NT5C3A: variants seen among roughly 807,000 people sequenced by gnomAD.
The protein encoded by NT5C3A is cytosolic 5'-nucleotidase 3A.
A neutral mutation model predicts 40.0 loss-of-function variants in NT5C3A; 23 were observed. That is an observed-to-expected ratio of 0.58 (90% CI 0.41 to 0.81). The LOEUF (loss-of-function observed/expected upper bound fraction) is 0.81, where lower values mean the gene tolerates loss of function less well. NT5C3A is among the 40% of genes least tolerant of loss of function. NT5C3A has a pLI of 0.00. For synonymous variants in NT5C3A, 130 were observed against 141.4 expected (o/e 0.92, Z 0.57); for missense variants, 328 against 403.0 (o/e 0.81, Z 1.59).
At chr7:33,036,085 T>C (rs1316831776) in intron 1 of NT5C3A, 2 of 912,070 alleles carry the variant, frequency 2.2e-6, no homozygotes, top group African/African-American at 1.7e-5. Flanking sequence ...CAATAATATA[T>C]TAAGGTGGAA....
chr7:33,030,890 G>A (rs2128001330), intron 1 of NT5C3A, among the ~76,000 whole-genome samples: 1 of 151,112 alleles, frequency 6.6e-6, no homozygotes, highest in African/African-American at 2.4e-5. Flanking sequence ...ACGAGGTCAG[G>A]AGATCGAGAC....
At chr7:33,044,544 A>G (rs1787067550) in intron 1 of NT5C3A, among the ~76,000 whole-genome samples, 1 of 152,066 alleles carries the variant, frequency 6.6e-6, no homozygotes, top group South Asian at 2.1e-4. Flanking sequence ...AACAGAAATC[A>G]CTCCTATCAC....
chr7:33,024,237 C>T, intron 2 of NT5C3A, 129 bp from the exon 3 acceptor site: 1 of 681,228 alleles, frequency 1.5e-6, no homozygotes, highest in Non-Finnish European at 2.7e-6. Flanking sequence ...CTGGTCCACA[C>T]TGTTAACTTA....
intron 1 of NT5C3A, among the ~76,000 whole-genome samples, chr7:33,035,198 T>TG (rs1786524091): frequency 6.8e-6 from 1 of 146,790 alleles, no homozygotes; most frequent in South Asian, 2.2e-4. Context: ...AGTTTTTTTT[T>TG]TTTTTTTTTT....
intron 1 of NT5C3A, chr7:33,041,154 C>G (rs1211171643): frequency 1.0e-6 from 1 of 984,820 alleles, no homozygotes; most frequent in Non-Finnish European, 1.2e-6. Context: ...GCAACTGGCT[C>G]TGGAAAGAAA....
At chr7:33,046,969 T>C (rs1787182614) in intron 1 of NT5C3A, among the ~76,000 whole-genome samples, 2 of 74,236 alleles carry the variant, frequency 2.7e-5, no homozygotes, top group South Asian at 7.2e-4. Flanking sequence ...ACACCTGGCT[T>C]CTTTTTTTTT....
chr7:33,023,303 G>C (rs985047209), intron 3 of NT5C3A, among the ~76,000 whole-genome samples: 2 of 151,868 alleles, frequency 1.3e-5, no homozygotes, highest in Admixed American at 6.6e-5. Flanking sequence ...CTGTTGCCCA[G>C]GCTGGAGCGC....
chr7:33,049,224 TGACA>T (rs1429555708), intron 1 of NT5C3A, among the ~76,000 whole-genome samples: 2 of 152,214 alleles, frequency 1.3e-5, no homozygotes, highest in Non-Finnish European at 2.9e-5. Flanking sequence ...CAACATTGCC[TGACA>T]AAGTCAAAAT....
At chr7:33,023,859 T>G in intron 3 of NT5C3A, 180 bp downstream of exon 3, 1 of 586,328 alleles carries the variant, frequency 1.7e-6, no homozygotes, top group Non-Finnish European at 3.0e-6. Flanking sequence ...TACATGAAAA[T>G]AACCATTTAT....
intron 1 of NT5C3A, chr7:33,036,366 GGCTGCTGGTGACCCATCTT>G: frequency 3.6e-6 from 1 of 281,114 alleles, no homozygotes; most frequent in Non-Finnish European, 7.0e-6. Flanking sequence ...GCTCCAGTAG[GGCTGCTGGTGACCCATCTT>G]GCTTTCGGGA....
In NT5C3A at chr7:33,017,578, T is replaced by C. The variant is rs924607422; in HGVS notation, c.554A>G (p.Asp185Gly). Reference protein sequence around the residue: ...MLKEGYENFFDKLQQHSIPVF... With the variant: ...MLKEGYENFFGKLQQHSIPVF... ...GGGGATGCTATGTTGTTGGAGCTTA[T>C]CAAAGAAATTCTCATATCCTTCTCT... Residue 185 changes from aspartate to glycine, a missense_variant, in exon 7 of 9, where the codon GAT (aspartate) becomes GGT (glycine). Asp to Gly is a moderately conservative substitution (Grantham distance 94). Transcript: ENST00000610140. 1.2e-6 allele frequency: 2 copies of C among 1,613,822 alleles called. No homozygotes were observed. Among genetic ancestry groups the C allele is most frequent in the African/African-American group, 1.3e-5 (1 of 75,034 alleles).
chr7:33,056,896 C>T (rs2128019892), intron 1 of NT5C3A, among the ~76,000 whole-genome samples: 1 of 152,244 alleles, frequency 6.6e-6, no homozygotes, highest in South Asian at 2.1e-4. Flanking sequence ...ACTGCAACCT[C>T]CGCCTCCTGG....
intron 1 of NT5C3A, among the ~76,000 whole-genome samples, chr7:33,042,729 T>A (rs1459421724): frequency 6.6e-6 from 1 of 152,220 alleles, no homozygotes; most frequent in Non-Finnish European, 1.5e-5. Context: ...GCATTAGAAA[T>A]ATACATTCCC....
In NT5C3A at chr7:33,034,869, CAA is replaced by C. The variant is rs999896139; in HGVS notation, c.139-7956_139-7955del. On this transcript the variant is annotated intron_variant, in intron 1 of 8. Transcript: ENST00000610140. ...CAATAATAAGAACACAAAGAGAAAA[CAA>C]GAGATCATGAGGCAGTTGTTCTCTT... Among the ~76,000 whole-genome samples the C allele has an allele frequency of 4.6e-5, 7 of 152,192 alleles. No homozygotes were observed. In the East Asian group the frequency reaches 1.3e-3, roughly 29 times the overall value.
Position 33,046,268 on chromosome 7 carries a change from G to A in NT5C3A, c.138+16300C>T, listed in dbSNP as rs544749481. On this transcript the variant is annotated intron_variant, in intron 1 of 8. Coordinates refer to ENST00000610140, the MANE Select transcript of NT5C3A (RefSeq NM_001002010.5). ...TGCAAAAATCTAGGCCTGGGGCTGA[G>A]GCTCACATCTGTAATCCCAGCACCT... Among the ~76,000 whole-genome samples the A allele has an allele frequency of 1.0e-3, 158 of 152,264 alleles. 3 individuals carry two copies. Among genetic ancestry groups the A allele is most frequent in the Non-Finnish European group, 5.0e-4 (34 of 68,010 alleles).
intron 1 of NT5C3A, among the ~76,000 whole-genome samples, chr7:33,053,403 C>T (rs1405691728): frequency 1.3e-5 from 2 of 152,038 alleles, no homozygotes; most frequent in African/African-American, 4.8e-5. Context: ...GGCCAGGCTG[C>T]TCCAGAACTC....
chr7:33,041,855 G>A lies in NT5C3A; in HGVS notation c.139-14940C>T, dbSNP rs375713098. Among the ~76,000 whole-genome samples the A allele has an allele frequency of 9.2e-5, 14 of 152,174 alleles. No homozygotes were observed. In the East Asian group the frequency reaches 2.7e-3, roughly 29 times the overall value. On this transcript the variant is annotated intron_variant, in intron 1 of 8. Coordinates refer to ENST00000610140, the MANE Select transcript of NT5C3A (RefSeq NM_001002010.5). ...AGATAAGTTATGCCATGGGCTGTGG[G>A]AACCTTTATCATTAGGGAACATGGC... is the stretch of plus-strand genomic sequence containing the variant.
intron 1 of NT5C3A, among the ~76,000 whole-genome samples, chr7:33,054,040 T>C (rs1228191783): frequency 1.5e-5 from 2 of 135,950 alleles, no homozygotes; most frequent in African/African-American, 2.8e-5. Context: ...CAAGATCATC[T>C]TGAATATAGC....
chr7:33,031,481 G>A (rs1286300135), intron 1 of NT5C3A, among the ~76,000 whole-genome samples: 6 of 152,014 alleles, frequency 3.9e-5, no homozygotes, highest in African/African-American at 1.2e-4. Context: ...CCAGATACTC[G>A]GAGGCTAAGG....
Sources: gnomAD v4.1 joint callset for allele counts (sites outside exome capture counted in the v4.1 genomes callset) on GRCh38, gnomAD v4.1.1 for gene constraint, MANE v1.5 for transcripts, NCBI Gene and HGNC (gene_info 2026-07-23, HGNC 2026-07-21) for gene names.